Variants in KCNIP4 observed in about 807,000 individuals in gnomAD.
KCNIP4 encodes the protein potassium voltage-gated channel interacting protein 4, also known as Kv channel-interacting protein 4.
Under a neutral mutation model 34.0 loss-of-function variants are expected in KCNIP4, and 12 were observed. That is an observed-to-expected ratio of 0.35 (90% CI 0.23 to 0.57). The LOEUF is 0.57. Ranked by LOEUF, KCNIP4 falls within the 20% of genes least tolerant of loss-of-function variation. The pLI is 0.83. For missense variants in KCNIP4, 238 were observed against 311.7 expected (o/e 0.76, Z 1.78); for synonymous variants, 124 against 102.2 (o/e 1.21, Z -1.29).
chr4:21,546,117 G>A (rs187060863), intron 1 of KCNIP4, among the ~76,000 whole-genome samples: 3 of 152,214 alleles, frequency 2.0e-5, no homozygotes, highest in Non-Finnish European at 4.4e-5. Context: ...GGAATTATAG[G>A]ACTAGATTTA....
intron 1 of KCNIP4, among the ~76,000 whole-genome samples, chr4:21,717,247 C>T (rs1033719957): frequency 3.3e-5 from 5 of 152,056 alleles, no homozygotes; most frequent in Non-Finnish European, 5.9e-5. Context: ...TCTAATGTCC[C>T]CTAGGGGTAA....
At chr4:20,853,751 T>C (rs1721283601) in intron 2 of KCNIP4, among the ~76,000 whole-genome samples, 1 of 152,060 alleles carries the variant, frequency 6.6e-6, no homozygotes, top group Non-Finnish European at 1.5e-5. Context: ...TCTATACATC[T>C]GACAAAGGAT....
intron 1 of KCNIP4, among the ~76,000 whole-genome samples, chr4:21,380,458 GGAGAGAGAGA>G (rs1222316977): frequency 1.8e-4 from 16 of 88,618 alleles, no homozygotes; most frequent in Admixed American, 6.5e-4. Context: ...AGGGAGAGGG[GGAGAGAGAGA>G]GAGAGAGGGA....
intron 1 of KCNIP4, chr4:21,847,023 G>A (rs1255955898): frequency 6.6e-6 from 1 of 152,020 alleles, no homozygotes; most frequent in Non-Finnish European, 1.5e-5. Flanking sequence ...GATAAGCACC[G>A]TTATTCACAA....
At chr4:21,783,533 A>G (rs1719706390) in intron 1 of KCNIP4, among the ~76,000 whole-genome samples, 1 of 152,194 alleles carries the variant, frequency 6.6e-6, no homozygotes, top group African/African-American at 2.4e-5. Context: ...TAAAACTGAG[A>G]GCAAGTTACA....
intron 1 of KCNIP4, among the ~76,000 whole-genome samples, chr4:21,397,110 A>G (rs1409646784): frequency 6.6e-6 from 1 of 152,228 alleles, no homozygotes; most frequent in Admixed American, 6.5e-5. Flanking sequence ...AAAAAATAAA[A>G]AATAAAAAGA....
chr4:21,833,060 T>A (rs1333519743), intron 1 of KCNIP4, among the ~76,000 whole-genome samples: 3 of 149,992 alleles, frequency 2.0e-5, no homozygotes, highest in African/African-American at 5.0e-5. Flanking sequence ...TACGTGTGCA[T>A]GTGTCTTTAT....
intron 1 of KCNIP4, among the ~76,000 whole-genome samples, chr4:21,017,619 C>T (rs1024822592): frequency 4.6e-5 from 7 of 152,110 alleles, no homozygotes; most frequent in African/African-American, 1.7e-4. Flanking sequence ...GATTCCATGT[C>T]TTTGCTATCG....
At chr4:21,349,196 G>A (rs1028328154) in intron 1 of KCNIP4, among the ~76,000 whole-genome samples, 1 of 152,050 alleles carries the variant, frequency 6.6e-6, no homozygotes, top group African/African-American at 2.4e-5. Flanking sequence ...GATTCATGGG[G>A]TTATTTCAAG....
rs534804465 is a variant in KCNIP4 at position 21,438,637 on chromosome 4, T to C, written c.61+509934A>G. ...ATGGTTATATGAAAAAAGGTAATAA[T>C]AGACTATTAACAGAATACCAGATAT... On this transcript the variant is annotated intron_variant, in intron 1 of 8. Coordinates refer to ENST00000382152, the MANE Select transcript of KCNIP4 (RefSeq NM_025221.6). Among the ~76,000 whole-genome samples the C allele has an allele frequency of 2.0e-5, 3 of 152,278 alleles. No individual in the cohort carries two copies. The East Asian group carries it at 5.8e-4, about 29-fold the overall frequency.
Position 21,158,040 on chromosome 4 carries a change from GA to G in KCNIP4, c.62-275332del, listed in dbSNP as rs201612410. On this transcript the variant is annotated intron_variant, in intron 1 of 8. Coordinates refer to ENST00000382152, the MANE Select transcript of KCNIP4 (RefSeq NM_025221.6). ...GTAGAGAATAATATAGAAACATTGT[GA>G]AAAAAAAACACGCATGTGAAATGAA... 1.3e-4 allele frequency among the ~76,000 whole-genome samples: 19 copies of G among 148,066 alleles called. 1 individual carries two copies. The highest frequency in any genetic ancestry group is 1.1e-3 in the South Asian group (5 of 4,690).
chr4:21,392,116 G>A (rs1256446067), intron 1 of KCNIP4, among the ~76,000 whole-genome samples: 1 of 152,130 alleles, frequency 6.6e-6, no homozygotes, highest in Non-Finnish European at 1.5e-5. Context: ...AGACTCTTCT[G>A]CTAATGACAA....
At chr4:21,508,055 A>T (rs1463725993) in intron 1 of KCNIP4, among the ~76,000 whole-genome samples, 2 of 151,966 alleles carry the variant, frequency 1.3e-5, no homozygotes, top group Non-Finnish European at 2.9e-5. Context: ...TTCCAGTTAC[A>T]CTCTTGAACA....
At position 20,855,270 on chromosome 4, in the gene KCNIP4, T is replaced by G. The variant is rs961605531; in HGVS notation, c.164-4603A>C. 7.2e-5 allele frequency among the ~76,000 whole-genome samples: 11 copies of G among 152,312 alleles called. No homozygotes were observed. In the East Asian group the frequency reaches 2.1e-3, roughly 29 times the overall value. On this transcript the variant is annotated intron_variant, in intron 2 of 8. Coordinates refer to ENST00000382152, the MANE Select transcript of KCNIP4 (RefSeq NM_025221.6). ...AGTGGCCTATAGGAATTCTCTCTGT[T>G]GTGTAAACCAATCCACACCTCAGAT... is the stretch of plus-strand genomic sequence containing the variant.
At chr4:21,331,240 A>G (rs1715607009) in intron 1 of KCNIP4, among the ~76,000 whole-genome samples, 1 of 152,014 alleles carries the variant, frequency 6.6e-6, no homozygotes, top group Non-Finnish European at 1.5e-5. Context: ...CTTATACTAC[A>G]TGTCACTTCA....
intron 1 of KCNIP4, among the ~76,000 whole-genome samples, chr4:21,564,699 C>G (rs1003431111): frequency 6.6e-6 from 1 of 152,066 alleles, no homozygotes. Flanking sequence ...CACCCTCCCA[C>G]AGGCTGTAAA....
chr4:20,928,637 G>A (rs1420906549), intron 1 of KCNIP4, among the ~76,000 whole-genome samples: 1 of 151,698 alleles, frequency 6.6e-6, no homozygotes, highest in African/African-American at 2.4e-5. Context: ...GAAATAAAAG[G>A]GAGCAGAAAA....
chr4:21,769,934 C>T (rs1418786820), intron 1 of KCNIP4, among the ~76,000 whole-genome samples: 1 of 152,022 alleles, frequency 6.6e-6, no homozygotes, highest in Non-Finnish European at 1.5e-5. Flanking sequence ...GAGAATGGGA[C>T]CTAGGAGGAG....
intron 1 of KCNIP4, among the ~76,000 whole-genome samples, chr4:21,787,346 G>T (rs1365223624): frequency 6.6e-6 from 1 of 152,052 alleles, no homozygotes. Context: ...CTTCTTACTG[G>T]ACTATAATCT....
Sources: gnomAD v4.1 joint callset for allele counts (sites outside exome capture counted in the v4.1 genomes callset) on GRCh38, gnomAD v4.1.1 for gene constraint, MANE v1.5 for transcripts, NCBI Gene and HGNC (gene_info 2026-07-23, HGNC 2026-07-21) for gene names.